The following JOSD2 variants were observed in gnomAD, a reference collection of about 807,000 sequenced individuals.
The protein encoded by JOSD2 is Josephin domain containing 2, also known as josephin-2.
A neutral mutation model predicts 19.3 loss-of-function variants in JOSD2; 20 were observed. That is an observed-to-expected ratio of 1.04 (90% CI 0.73 to 1.51). The LOEUF (loss-of-function observed/expected upper bound fraction) is 1.51, where lower values mean the gene tolerates loss of function less well. Ranked by LOEUF, JOSD2 falls within the 40% of genes most tolerant of loss-of-function variation. The pLI, the probability that JOSD2 is intolerant of heterozygous loss-of-function variation, is 0.00. For synonymous variants in JOSD2, 118 were observed against 123.7 expected (o/e 0.95, Z 0.31); for missense variants, 215 against 250.4 (o/e 0.86, Z 0.95).
chr19:50,507,755 A>C, intron 2 of JOSD2, 56 bp from the exon 3 acceptor site: 3 of 1,568,856 alleles, frequency 1.9e-6, no homozygotes, highest in Non-Finnish European at 2.6e-6. Flanking sequence ...GCCTCCCCAC[A>C]AAATGGGGGT....
chr19:50,508,107 C>T (rs1601349580), intron 2 of JOSD2: 3 of 291,444 alleles, frequency 1.0e-5, no homozygotes, highest in Admixed American at 4.6e-5. Flanking sequence ...TCCAGCCTCC[C>T]TCCAGTCCAT....
In JOSD2 at chr19:50,507,570, C is replaced by G. The variant is rs1315531639; in HGVS notation, c.272+4G>C. 1.2e-6 allele frequency: 2 copies of G among 1,602,662 alleles called. No homozygotes were observed. Among genetic ancestry groups the G allele is most frequent in the Admixed American group, 3.3e-5 (2 of 59,850 alleles). On this transcript the variant is annotated splice_donor_region_variant and intron_variant, in intron 3 of 4. Coordinates refer to ENST00000598418, the MANE Select transcript of JOSD2 (RefSeq NM_001270639.2). Reference sequence around the variant, plus strand: ...AGCACATGCTGTGCTGCTCTGGGGCCTACCTCCTCCTGTCCCACCACACGG... The same window carrying G: ...AGCACATGCTGTGCTGCTCTGGGGCGTACCTCCTCCTGTCCCACCACACGG...
At chr19:50,508,021 C>T (rs375293292) in intron 2 of JOSD2, 44 of 435,296 alleles carry the variant, frequency 1.0e-4, no homozygotes, top group East Asian at 5.2e-4. Flanking sequence ...CTGCCCTGTC[C>T]CCAAGTCCTG....
chr19:50,506,025 CAGCAGCGGCAGTGGGG>C lies in JOSD2; in HGVS notation c.*132_*147del, dbSNP rs1979300367. The C allele has an allele frequency of 1.4e-6, 1 of 701,290 alleles. No homozygotes were observed. The allele number at this position is 701,290 out of a possible 1,614,324, so 43.4% of individuals were successfully genotyped here. On this transcript the variant is annotated 3_prime_UTR_variant, in exon 5 of 5. Transcript: ENST00000598418. ...CAGCAAATCAGCAGATTTATTGAGGCAGCAGCGGCAGTGGGGAGCAGGGGTGTGGGGAGGGGGCGGG... is the reference window on the plus strand; with the variant it reads ...CAGCAAATCAGCAGATTTATTGAGGCAGCAGGGGTGTGGGGAGGGGGCGGG...
intron 2 of JOSD2, chr19:50,508,031 G>A: frequency 2.5e-6 from 1 of 404,014 alleles, no homozygotes; most frequent in Admixed American, 3.8e-5. Context: ...CCCAAGTCCT[G>A]TCTCTCCTGC....
In JOSD2 at chr19:50,506,490, G is replaced by T. The variant is rs919209116; in HGVS notation, c.355C>A (p.Leu119Met). The stretch of plus-strand genomic sequence containing the variant: ...ACCCAGTGCCGCCGGCGCAGCGGCA[G>T]TGACAGCAGCCCCAGCGACACGGGC... Reference protein sequence around the residue: ...PSPVSLGLLSLPLRRRHWVAL... With the variant: ...PSPVSLGLLSMPLRRRHWVAL... Residue 119 changes from leucine (L) to methionine (M), a missense_variant, in exon 4 of 5, where the codon CTG (leucine) becomes ATG (methionine). By Grantham distance (15) the Leu-to-Met change is conservative (BLOSUM62 2). Coordinates refer to ENST00000598418, the MANE Select transcript of JOSD2 (RefSeq NM_001270639.2). 8.3e-6 allele frequency: 13 copies of T among 1,566,908 alleles called. No individual in the cohort carries two copies. Among genetic ancestry groups the T allele is most frequent in the Non-Finnish European group, 1.1e-5 (13 of 1,156,984 alleles).
chr19:50,508,177 G>A, intron 2 of JOSD2: 1 of 199,630 alleles, frequency 5.0e-6, no homozygotes, highest in South Asian at 8.1e-5. Flanking sequence ...CAATGCCTTG[G>A]ACAAAGTCCC....
intron 3 of JOSD2, 112 bp from the exon 4 acceptor site, chr19:50,506,684 C>T: frequency 2.1e-6 from 2 of 967,660 alleles, no homozygotes; most frequent in Non-Finnish European, 3.0e-6. Context: ...CTGAGCCCAC[C>T]CAGAGGTGTT....
At chr19:50,507,239 A>G (rs7256407) in intron 3 of JOSD2, among the ~76,000 whole-genome samples, 46,044 of 143,486 alleles carry the variant, frequency 0.32, 9,342 homozygotes, top group African/African-American at 0.59. Flanking sequence ...CCACATGCCC[A>G]GCCACTGGCC....
rs373254572 is a variant in JOSD2 at position 50,509,881 on chromosome 19, G to A, written c.146+405C>T. The stretch of plus-strand genomic sequence containing the variant: ...ATCCCGGCTAACATGGTGAAACCCC[G>A]TCTCTACTAAAAATACAAAAAATTA... On this transcript the variant is annotated intron_variant, in intron 2 of 4. Coordinates refer to ENST00000598418, the MANE Select transcript of JOSD2 (RefSeq NM_001270639.2). Among the ~76,000 whole-genome samples the A allele has an allele frequency of 6.4e-3, 964 of 151,584 alleles. 10 individuals carry two copies. Among genetic ancestry groups the A allele is most frequent in the African/African-American group, 0.022 (916 of 41,296 alleles).
Position 50,507,603 on chromosome 19 carries a change from G to C in JOSD2, c.243C>G (p.Gly81=), listed in dbSNP as rs376400138. ...TCCTGTCCCACCACACGGCGGCCAG[G>C]CCCAGCCCCTGCAGAGCGGCCATGA... ...NVIMAALQGL[G]LAAVWWDRRR... The change falls in exon 3 of 5, where the codon GGC becomes GGG. Residue 81 remains glycine, a synonymous_variant. Coordinates refer to ENST00000598418, the MANE Select transcript of JOSD2 (RefSeq NM_001270639.2). 2 of 1,608,922 alleles carry C rather than the reference G, an allele frequency of 1.2e-6. No homozygotes were observed. The highest frequency in any genetic ancestry group is 2.2e-5 in the South Asian group (2 of 91,068).
In JOSD2 at chr19:50,506,274, T is replaced by TG. The variant is rs1979328381; in HGVS notation, c.468-3dup. The stretch of plus-strand genomic sequence containing the variant: ...GCCAGCGCAGCCGCCAGGAAGGCCC[T>TG]GGGTGGGAGAAATGGGGAGACTGAG... On this transcript the variant is annotated splice_polypyrimidine_tract_variant and splice_region_variant and intron_variant, in intron 4 of 4. Transcript: ENST00000598418. 20 of 1,612,272 alleles carry TG rather than the reference T, an allele frequency of 1.2e-5. No individual in the cohort carries two copies. The Middle Eastern group carries it at 2.5e-3, about 199-fold the overall frequency.
At chr19:50,506,817 C>T (rs1474576365) in intron 3 of JOSD2, among the ~76,000 whole-genome samples, 4 of 132,300 alleles carry the variant, frequency 3.0e-5, no homozygotes, top group African/African-American at 9.0e-5. Context: ...ACCCACCCAC[C>T]GTCCACCCAA....
chr19:50,507,773 G>A (rs1979472652), intron 2 of JOSD2, 74 bp from the exon 3 acceptor site: 5 of 1,534,950 alleles, frequency 3.3e-6, no homozygotes, highest in Admixed American at 1.9e-5. Context: ...GGTCCCAGGG[G>A]CCACAAGTTG....
chr19:50,510,236 C>A, intron 2 of JOSD2, 50 bp downstream of exon 2: 2 of 1,611,708 alleles, frequency 1.2e-6, no homozygotes, highest in South Asian at 2.2e-5. Flanking sequence ...CCAGGTGGGT[C>A]ACTCCGCCAG....
At chr19:50,510,199 G>A in intron 2 of JOSD2, 87 bp downstream of exon 2, 1 of 1,543,224 alleles carries the variant, frequency 6.5e-7, no homozygotes, top group Non-Finnish European at 8.9e-7. Context: ...AAGCCCCCAA[G>A]GCTCAGCGCC....
chr19:50,511,015 A>G, intron 1 of JOSD2, 102 bp downstream of exon 1: 1 of 438,436 alleles, frequency 2.3e-6, no homozygotes, highest in Non-Finnish European at 4.6e-6. Context: ...TCTTCCTATC[A>G]CCCAGCAACC....
intron 2 of JOSD2, among the ~76,000 whole-genome samples, chr19:50,509,197 C>T (rs1324277635): frequency 2.0e-5 from 3 of 150,492 alleles, no homozygotes; most frequent in African/African-American, 7.4e-5. Flanking sequence ...CCCACCTTAG[C>T]CTCCAGAGTA....
chr19:50,510,324 C>G lies in JOSD2; in HGVS notation c.108G>C (p.Gln36His). The G allele has an allele frequency of 6.2e-7, 1 of 1,613,526 alleles. No homozygotes were observed. Among genetic ancestry groups the G allele is most frequent in the Non-Finnish European group, 8.5e-7 (1 of 1,180,010 alleles). Residue 36 changes from glutamine to histidine, a missense_variant, in exon 2 of 5, where the codon CAG (glutamine) becomes CAC (histidine). Physicochemically the swap from Gln to His is conservative, Grantham distance 24. Coordinates refer to ENST00000598418, the MANE Select transcript of JOSD2 (RefSeq NM_001270639.2). ...VHALNNVLQQQLFSQEAADEI... is the reference protein window; with the variant it reads ...VHALNNVLQQHLFSQEAADEI... ...CATCGGCAGCCTCCTGGCTAAAGAGCTGCTGCTGCAGAACGTTGTTGAGGG... is the reference window on the plus strand; with the variant it reads ...CATCGGCAGCCTCCTGGCTAAAGAGGTGCTGCTGCAGAACGTTGTTGAGGG...
Sources: allele counts gnomAD v4.1 joint callset (sites outside exome capture counted in the v4.1 genomes callset), GRCh38; gene constraint gnomAD v4.1.1; transcripts MANE v1.5; gene names NCBI Gene and HGNC (gene_info 2026-07-23, HGNC 2026-07-21).